The following REST variants were observed in gnomAD, a reference collection of about 807,000 sequenced individuals.
The protein encoded by REST is RE1-silencing transcription factor.
A neutral mutation model predicts 30.4 loss-of-function variants in REST; 1 was observed. The observed-to-expected ratio is 0.03, with a 90% CI of 0.01 to 0.16. The LOEUF (loss-of-function observed/expected upper bound fraction) is 0.16, where lower values mean the gene tolerates loss of function less well. REST is among the 10% of genes least tolerant of loss of function. REST has a pLI of 1.00. For synonymous variants in REST, 504 were observed against 451.1 expected (o/e 1.12, Z -1.49); for missense variants, 1,259 against 1,329.5 (o/e 0.95, Z 0.82).
chr4:56,910,910 A>G lies in REST; in HGVS notation c.272A>G (p.Glu91Gly). 3 of 1,614,198 alleles carry G rather than the reference A, an allele frequency of 1.9e-6. No individual in the cohort carries two copies. Among genetic ancestry groups the G allele is most frequent in the South Asian group, 1.1e-5 (1 of 91,086 alleles). ...AACTTTTCAGATAGTGAAGAAGGAGAAGGACTTGAAGAGTCTGCTGATATA... is the reference window on the plus strand; with the variant it reads ...AACTTTTCAGATAGTGAAGAAGGAGGAGGACTTGAAGAGTCTGCTGATATA... ...DNNFSDSEEG[E>G]GLEESADIKG... The change falls in exon 2 of 4, where the codon GAA (glutamate) becomes GGA (glycine). Residue 91 changes from glutamate (E) to glycine (G), a missense_variant. Around this residue, in one of 5 missense-constraint regions of REST, gnomAD observed 249 missense variants for 251.5 expected, o/e 0.99. Transcript: ENST00000309042.
intron 2 of REST, among the ~76,000 whole-genome samples, chr4:56,916,343 A>G (rs1382522250): frequency 1.3e-5 from 2 of 152,194 alleles, no homozygotes; most frequent in African/African-American, 4.8e-5. Flanking sequence ...GTGGAATTAC[A>G]CAGATAAAGT....
At chr4:56,919,134 T>G (rs1720335149) in intron 2 of REST, among the ~76,000 whole-genome samples, 1 of 151,896 alleles carries the variant, frequency 6.6e-6, no homozygotes, top group Non-Finnish European at 1.5e-5. Flanking sequence ...CTTGAACTCC[T>G]TACCTCGTGA....
At chr4:56,921,414 T>C (rs1319524166) in intron 3 of REST, among the ~76,000 whole-genome samples, 1 of 152,048 alleles carries the variant, frequency 6.6e-6, no homozygotes, top group Non-Finnish European at 1.5e-5. Flanking sequence ...TTTATTATTA[T>C]TTTTTTTCTG....
chr4:56,932,483 T>G lies in REST; in HGVS notation c.*331T>G, dbSNP rs1345951278. The G allele has an allele frequency of 1.1e-5, 2 of 183,150 alleles. No homozygotes were observed. Among genetic ancestry groups the G allele is most frequent in the Non-Finnish European group, 2.2e-5 (2 of 89,210 alleles). 11.3% of individuals were successfully genotyped at this position (183,150 alleles called of 1,614,324 possible). A position where few individuals can be genotyped will look rare whatever the true frequency, so the allele number is the denominator to read the frequency against. ...TCCATGTCTTATCTTCCTGTTTCAC[T>G]TTAGTTTATTCTTCGTTTTTTATTG... On this transcript the variant is annotated 3_prime_UTR_variant, in exon 4 of 4. Transcript: ENST00000309042.
At position 56,923,983 on chromosome 4, in the gene REST, A is replaced by G. The variant is rs1720565872; in HGVS notation, c.982+4113A>G. 2.0e-5 allele frequency among the ~76,000 whole-genome samples: 3 copies of G among 152,108 alleles called. No individual in the cohort carries two copies. In the South Asian group the frequency reaches 6.2e-4, roughly 32 times the overall value. ...TGATCTGCCCGCCTCAGCCTCCCAAAGTGCTGGGATTACAGGCGTGAGCCA... is the reference window on the plus strand; with the variant it reads ...TGATCTGCCCGCCTCAGCCTCCCAAGGTGCTGGGATTACAGGCGTGAGCCA... On this transcript the variant is annotated intron_variant, in intron 3 of 3. Transcript: ENST00000309042.
chr4:56,928,002 A>G (rs1720788337), intron 3 of REST, among the ~76,000 whole-genome samples: 1 of 152,260 alleles, frequency 6.6e-6, no homozygotes, highest in Non-Finnish European at 1.5e-5. Flanking sequence ...GCAGAATTTC[A>G]AAACTTTTGC....
chr4:56,933,703 T>C lies in REST; in HGVS notation c.*1551T>C, dbSNP rs1013958763. 1 of 152,234 alleles carries C rather than the reference T, an allele frequency of 6.6e-6. No individual in the cohort carries two copies. 9.4% of individuals were successfully genotyped at this position (152,234 alleles called of 1,614,324 possible). ...CTCCAAAACATTTTTGTAGGTTCTT[T>C]GGCCAGTTGCCAAAGAGTGTGAAAG... On this transcript the variant is annotated 3_prime_UTR_variant, in exon 4 of 4. Coordinates refer to ENST00000309042, the MANE Select transcript of REST (RefSeq NM_005612.5).
At chr4:56,926,657 T>C (rs1056785880) in intron 3 of REST, among the ~76,000 whole-genome samples, 1 of 151,950 alleles carries the variant, frequency 6.6e-6, no homozygotes, top group Non-Finnish European at 1.5e-5. Context: ...TCTTCCCTTT[T>C]ATTTATCCAT....
At chr4:56,914,647 A>G (rs1025562089) in intron 2 of REST, among the ~76,000 whole-genome samples, 13 of 152,212 alleles carry the variant, frequency 8.5e-5, no homozygotes, top group Non-Finnish European at 1.5e-4. Flanking sequence ...GCCATCATAT[A>G]TACTAAACTC....
At chr4:56,921,427 G>GAAATAAATAAA (rs1720447089) in intron 3 of REST, among the ~76,000 whole-genome samples, 4 of 151,280 alleles carry the variant, frequency 2.6e-5, no homozygotes, top group Admixed American at 2.6e-4. Flanking sequence ...TTTTTCTGTT[G>GAAATAAATAAA]AGACAGAGTC....
intron 3 of REST, among the ~76,000 whole-genome samples, chr4:56,923,330 C>G (rs972172885): frequency 6.6e-6 from 1 of 152,178 alleles, no homozygotes. Flanking sequence ...TGCAGTGATG[C>G]GATCATGCCT....
chr4:56,917,774 G>A lies in REST; in HGVS notation c.899-2013G>A, dbSNP rs532512324. 3.9e-5 allele frequency among the ~76,000 whole-genome samples: 6 copies of A among 152,190 alleles called. No homozygotes were observed. The South Asian group carries it at 1.0e-3, about 26-fold the overall frequency. On this transcript the variant is annotated intron_variant, in intron 2 of 3. Transcript: ENST00000309042. ...CCTTTTTTTAAAAGCTTGTTTTGCC[G>A]GGTGTGGCGGCTCATGCCTGTAATC...
chr4:56,923,936 T>C (rs1277313394), intron 3 of REST, among the ~76,000 whole-genome samples: 3 of 152,000 alleles, frequency 2.0e-5, no homozygotes, highest in Non-Finnish European at 1.5e-5. Context: ...TTAGCCAGGA[T>C]AGTCTTGATC....
chr4:56,912,211 G>A (rs1719961919), intron 2 of REST, among the ~76,000 whole-genome samples: 1 of 152,128 alleles, frequency 6.6e-6, no homozygotes, highest in Admixed American at 6.5e-5. Flanking sequence ...TAAAAGGTGG[G>A]TGGGATTATC....
intron 2 of REST, among the ~76,000 whole-genome samples, chr4:56,916,564 G>A (rs1160031545): frequency 5.3e-5 from 8 of 152,134 alleles, no homozygotes; most frequent in African/African-American, 1.9e-4. Flanking sequence ...TTGAACCCAA[G>A]AGGCAGAGGT....
rs869025312 is a variant in REST, at chr4:56,919,853, A to G, written c.965A>G (p.His322Arg). 6.3e-7 allele frequency: 1 copy of G among 1,589,364 alleles called. No homozygotes were observed. The highest frequency in any genetic ancestry group is 8.6e-7 in the Non-Finnish European group (1 of 1,162,986). ...SSSQKTHLTRHMRTHSGEKPF... is the reference protein window; with the variant it reads ...SSSQKTHLTRRMRTHSGEKPF... ...TCTCAGAAGACTCATCTAACTAGAC[A>G]TATGCGTACTCATTCAGGTTGGTAA... is the stretch of plus-strand genomic sequence containing the variant. Residue 322 changes from histidine to arginine, a missense_variant, in exon 3 of 4, where the codon CAT becomes CGT. By Grantham distance (29) the His-to-Arg change is conservative (BLOSUM62 0). Coordinates refer to ENST00000309042, the MANE Select transcript of REST (RefSeq NM_005612.5).
chr4:56,918,552 T>C (rs562843670), intron 2 of REST, among the ~76,000 whole-genome samples: 4 of 152,268 alleles, frequency 2.6e-5, no homozygotes, highest in East Asian at 1.9e-4. Context: ...TTTAGCTTAA[T>C]GTTTTTTATT....
intron 2 of REST, among the ~76,000 whole-genome samples, chr4:56,915,511 G>A (rs2109536102): frequency 6.6e-6 from 1 of 151,706 alleles, no homozygotes; most frequent in South Asian, 2.1e-4. Context: ...GCCTCTCAAG[G>A]TGCTGGAATT....
rs1721014622 is a variant in REST at position 56,932,561 on chromosome 4, TG to T, written c.*410del. The T allele has an allele frequency of 6.5e-6, 1 of 154,900 alleles. No individual in the cohort carries two copies. The highest frequency in any genetic ancestry group is 2.4e-5 in the African/African-American group (1 of 41,336). 9.6% of individuals were successfully genotyped at this position (154,900 alleles called of 1,614,324 possible). A position where few individuals can be genotyped will look rare whatever the true frequency, so the allele number is the denominator to read the frequency against. On this transcript the variant is annotated 3_prime_UTR_variant, in exon 4 of 4. Coordinates refer to ENST00000309042, the MANE Select transcript of REST (RefSeq NM_005612.5). Reference sequence around the variant, plus strand: ...TAGCAAATTACTTGAAGAATTTGCCTGCTTTATATAAAGTTAGCACTTTAAG... The same window carrying T: ...TAGCAAATTACTTGAAGAATTTGCCTCTTTATATAAAGTTAGCACTTTAAG...
Sources: allele counts gnomAD v4.1 joint callset (sites outside exome capture counted in the v4.1 genomes callset), GRCh38; gene constraint gnomAD v4.1.1; regional missense constraint gnomAD v4.1.1; transcripts MANE v1.5; gene names NCBI Gene and HGNC (gene_info 2026-07-23, HGNC 2026-07-21).